Variants in SBF2 observed in about 807,000 individuals in gnomAD.
SBF2 encodes the protein SET binding factor 2.
Under a neutral mutation model 225.2 loss-of-function variants are expected in SBF2, and 112 were observed. That is an observed-to-expected ratio of 0.50 (90% CI 0.43 to 0.58). SBF2 has a LOEUF of 0.58. Among genes scored for constraint, SBF2 ranks in the 20% least tolerant of loss-of-function variants. SBF2 has a pLI of 0.00. For missense variants in SBF2, 1,996 were observed against 2,206.2 expected (o/e 0.90, Z 1.91); for synonymous variants, 763 against 773.3 (o/e 0.99, Z 0.22).
chr11:9,783,607 C>T (rs1681139085), intron 38 of SBF2, among the ~76,000 whole-genome samples: 1 of 152,158 alleles, frequency 6.6e-6, no homozygotes, highest in African/African-American at 2.4e-5. Context: ...AACTGCTCTC[C>T]CTTGAAATCA....
chr11:9,982,111 T>C (rs72857130), intron 13 of SBF2, among the ~76,000 whole-genome samples: 7,396 of 152,332 alleles, frequency 0.049, 216 homozygotes, highest in Middle Eastern at 0.14. Flanking sequence ...GCATTTCCTC[T>C]ATCCATGGAA....
intron 2 of SBF2, among the ~76,000 whole-genome samples, chr11:10,047,454 G>C (rs1223594390): frequency 6.6e-6 from 1 of 152,130 alleles, no homozygotes; most frequent in East Asian, 1.9e-4. Flanking sequence ...AGAGCCCGAA[G>C]TAGACTACAC....
At chr11:9,992,367 A>G (rs376722067) in intron 12 of SBF2, 48 bp downstream of exon 12, 2 of 1,499,678 alleles carry the variant, frequency 1.3e-6, no homozygotes, top group Non-Finnish European at 1.8e-6. Flanking sequence ...TTTAACTACT[A>G]GTCTAATTAT....
Position 9,809,053 on chromosome 11 carries a change from GA to G in SBF2, c.4156-52del, listed in dbSNP as rs769284277. On this transcript the variant is annotated intron_variant, in intron 30 of 39. Transcript: ENST00000256190. The stretch of plus-strand genomic sequence containing the variant: ...TTAGACCAAGCGCTTTCTGAGTGCA[GA>G]AGTCAGAGAGAGTTGCTTTCAACCC... 8.8e-6 allele frequency: 12 copies of G among 1,367,862 alleles called. No homozygotes were observed. In the Admixed American group the frequency reaches 2.0e-4, roughly 23 times the overall value. The allele number at this position is 1,367,862 out of a possible 1,614,324, so 84.7% of individuals were successfully genotyped here.
intron 2 of SBF2, among the ~76,000 whole-genome samples, chr11:10,091,473 G>C (rs1052614920): frequency 6.6e-5 from 10 of 152,052 alleles, no homozygotes; most frequent in African/African-American, 2.2e-4. Context: ...AGCTAACAAA[G>C]TACATTATTA....
chr11:10,046,649 C>T (rs993560363), intron 2 of SBF2, among the ~76,000 whole-genome samples: 3 of 150,106 alleles, frequency 2.0e-5, no homozygotes, highest in African/African-American at 4.9e-5. Context: ...AAAAAAAAAA[C>T]TCCTATGGCT....
chr11:10,111,885 CA>C (rs945382427), intron 2 of SBF2, among the ~76,000 whole-genome samples: 22 of 151,668 alleles, frequency 1.5e-4, no homozygotes, highest in African/African-American at 4.6e-4. Context: ...TCAAAAAAAC[CA>C]AAAAAAATTA....
At chr11:10,107,301 T>C (rs181995104) in intron 2 of SBF2, among the ~76,000 whole-genome samples, 5 of 152,294 alleles carry the variant, frequency 3.3e-5, no homozygotes, top group African/African-American at 1.2e-4. Context: ...GTGTGGCATA[T>C]ACATATAAAT....
intron 17 of SBF2, among the ~76,000 whole-genome samples, chr11:9,887,286 C>A (rs1315194215): frequency 6.6e-6 from 1 of 151,742 alleles, no homozygotes; most frequent in Non-Finnish European, 1.5e-5. Flanking sequence ...CTGAAGAACA[C>A]AATAAGTGTT....
At chr11:10,214,842 G>C (rs1958070186) in intron 1 of SBF2, among the ~76,000 whole-genome samples, 1 of 152,090 alleles carries the variant, frequency 6.6e-6, no homozygotes, top group Non-Finnish European at 1.5e-5. Flanking sequence ...CTATTTAATG[G>C]TCCAGGATCA....
At chr11:10,106,784 A>AT (rs1952577129) in intron 2 of SBF2, among the ~76,000 whole-genome samples, 1 of 152,142 alleles carries the variant, frequency 6.6e-6, no homozygotes. Context: ...ATCCAGATAG[A>AT]TTTTTTAAAA....
chr11:9,870,482 G>A (rs1436717461), intron 17 of SBF2, among the ~76,000 whole-genome samples: 1 of 152,164 alleles, frequency 6.6e-6, no homozygotes, highest in Non-Finnish European at 1.5e-5. Context: ...AACCCAAACA[G>A]CATGGTATTG....
chr11:9,998,184 A>G, intron 9 of SBF2, 82 bp downstream of exon 9: 1 of 822,300 alleles, frequency 1.2e-6, no homozygotes, highest in Non-Finnish European at 2.1e-6. Context: ...AACAAACTGC[A>G]TTGACAAACA....
At chr11:9,912,666 T>A (rs1862739662) in intron 16 of SBF2, among the ~76,000 whole-genome samples, 1 of 152,248 alleles carries the variant, frequency 6.6e-6, no homozygotes, top group African/African-American at 2.4e-5. Flanking sequence ...TCTTCCAATG[T>A]GGCCCAGGGA....
At chr11:10,214,565 G>A (rs1438239642) in intron 1 of SBF2, among the ~76,000 whole-genome samples, 1 of 152,206 alleles carries the variant, frequency 6.6e-6, no homozygotes, top group African/African-American at 2.4e-5. Context: ...GGAGGTTGCA[G>A]TGAGCCAAGA....
intron 2 of SBF2, among the ~76,000 whole-genome samples, chr11:10,142,613 T>C (rs1954697276): frequency 6.6e-6 from 1 of 152,268 alleles, no homozygotes; most frequent in African/African-American, 2.4e-5. Context: ...TAACAAATGA[T>C]AGGATATAAT....
chr11:10,230,418 C>A (rs1380993155), intron 1 of SBF2, among the ~76,000 whole-genome samples: 2 of 152,192 alleles, frequency 1.3e-5, no homozygotes, highest in East Asian at 1.9e-4. Context: ...ATGGTCTTTA[C>A]AATTTGGCAT....
At chr11:10,258,071 T>TACAC (rs1405915031) in intron 1 of SBF2, among the ~76,000 whole-genome samples, 4 of 96,252 alleles carry the variant, frequency 4.2e-5, no homozygotes, top group Non-Finnish European at 8.2e-5. Flanking sequence ...GAGGTATAAA[T>TACAC]ACACACACAT....
chr11:10,240,616 T>G (rs936177885), intron 1 of SBF2, among the ~76,000 whole-genome samples: 1 of 152,134 alleles, frequency 6.6e-6, no homozygotes, highest in South Asian at 2.1e-4. Context: ...AAAATATAAT[T>G]GCAACTGGTT....
Sources: gnomAD v4.1 joint callset for allele counts (sites outside exome capture counted in the v4.1 genomes callset) on GRCh38, gnomAD v4.1.1 for gene constraint, MANE v1.5 for transcripts, NCBI Gene and HGNC (gene_info 2026-07-23, HGNC 2026-07-21) for gene names.